Variants in RNGTT observed in about 807,000 individuals in gnomAD.
RNGTT encodes RNA guanylyltransferase and 5'-phosphatase, also known as mRNA-capping enzyme.
RNGTT carries 33 observed loss-of-function variants against 79.3 expected under a neutral mutation model. The observed-to-expected ratio is 0.42, with a 90% CI of 0.32 to 0.56. RNGTT has a LOEUF of 0.56. Ranked by LOEUF, RNGTT falls within the 20% of genes least tolerant of loss-of-function variation. RNGTT has a pLI of 0.17. For synonymous variants in RNGTT, 222 were observed against 235.9 expected (o/e 0.94, Z 0.54); for missense variants, 497 against 739.1 (o/e 0.67, Z 3.80).
In RNGTT at chr6:88,631,576, G is replaced by C. The variant is rs148733315; in HGVS notation, c.1507-17181C>G. ...TCCCTCTCATGACTTCCTCGCTTTT[G>C]TGACAAGTAGCCCATATGATGGTGG... On this transcript the variant is annotated intron_variant, in intron 14 of 15. Coordinates refer to ENST00000369485, the MANE Select transcript of RNGTT (RefSeq NM_003800.5). Among the ~76,000 whole-genome samples, 1,214 of 152,260 alleles carry C rather than the reference G, an allele frequency of 8.0e-3. 9 individuals carry two copies. Among genetic ancestry groups the C allele is most frequent in the South Asian group, 0.043 (206 of 4,818 alleles).
intron 13 of RNGTT, among the ~76,000 whole-genome samples, chr6:88,755,140 A>C (rs1433125465): frequency 6.6e-6 from 1 of 152,200 alleles, no homozygotes; most frequent in Non-Finnish European, 1.5e-5. Context: ...TTCTATATCC[A>C]GGTAAGACAT....
intron 9 of RNGTT, among the ~76,000 whole-genome samples, chr6:88,850,308 A>C (rs1367888956): frequency 1.3e-5 from 2 of 151,908 alleles, no homozygotes; most frequent in Non-Finnish European, 2.9e-5. Context: ...TCTTGGTTTC[A>C]TACCACTTTA....
At position 88,941,130 on chromosome 6, in the gene RNGTT, C is replaced by T. The variant is rs1784830796; in HGVS notation, c.115G>A (p.Val39Ile). 2 of 1,613,632 alleles carry T rather than the reference C, an allele frequency of 1.2e-6. No homozygotes were observed. Among genetic ancestry groups the T allele is most frequent in the East Asian group, 2.2e-5 (1 of 44,846 alleles). ...TMLGPRYDSQ[V>I]AEENRFHPSM... ...GGATGGAACCGATTTTCTTCAGCAACTTGACTATCATATCTTGGTCCTAAC... is the reference window on the plus strand; with the variant it reads ...GGATGGAACCGATTTTCTTCAGCAATTTGACTATCATATCTTGGTCCTAAC... The change falls in exon 2 of 16, where the codon GTT (valine) becomes ATT (isoleucine). Residue 39 changes from valine to isoleucine, a missense_variant. Coordinates refer to ENST00000369485, the MANE Select transcript of RNGTT (RefSeq NM_003800.5).
At chr6:88,949,620 A>G (rs1396151629) in intron 1 of RNGTT, among the ~76,000 whole-genome samples, 1 of 152,176 alleles carries the variant, frequency 6.6e-6, no homozygotes, top group Non-Finnish European at 1.5e-5. Context: ...GAATAGATCA[A>G]ACCAGCCACA....
At chr6:88,926,528 C>A (rs551902535) in intron 4 of RNGTT, among the ~76,000 whole-genome samples, 143 of 152,224 alleles carry the variant, frequency 9.4e-4, no homozygotes, top group African/African-American at 3.3e-3. Context: ...AACGTCTCTC[C>A]ATTTCTTCAT....
chr6:88,811,432 C>A (rs546585991), intron 11 of RNGTT, among the ~76,000 whole-genome samples: 5 of 152,222 alleles, frequency 3.3e-5, no homozygotes, highest in Non-Finnish European at 7.4e-5. Flanking sequence ...GAGGAACTGA[C>A]AAAGGTTACC....
chr6:88,622,669 T>C (rs757621198), intron 14 of RNGTT, among the ~76,000 whole-genome samples: 1 of 152,152 alleles, frequency 6.6e-6, no homozygotes, highest in Non-Finnish European at 1.5e-5. Context: ...TAGGGGCTGG[T>C]ACTGGATTCT....
At chr6:88,659,570 T>C (rs1157696765) in intron 14 of RNGTT, among the ~76,000 whole-genome samples, 3 of 151,572 alleles carry the variant, frequency 2.0e-5, no homozygotes, top group African/African-American at 7.3e-5. Context: ...GACAGGCTTT[T>C]GAATTAACCC....
chr6:88,940,436 T>A (rs532752422), intron 2 of RNGTT, among the ~76,000 whole-genome samples: 22 of 152,274 alleles, frequency 1.4e-4, no homozygotes, highest in African/African-American at 5.1e-4. Context: ...TGAAGCTATA[T>A]CTGTGGTGTT....
At position 88,656,591 on chromosome 6, in the gene RNGTT, C is replaced by A. The variant is rs566549782; in HGVS notation, c.1506+21762G>T. Among the ~76,000 whole-genome samples, 6 of 151,978 alleles carry A rather than the reference C, an allele frequency of 3.9e-5. No individual in the cohort carries two copies. In the East Asian group the frequency reaches 1.2e-3, roughly 29 times the overall value. On this transcript the variant is annotated intron_variant, in intron 14 of 15. Transcript: ENST00000369485. The stretch of plus-strand genomic sequence containing the variant: ...ATGCACTCCAGTGGGGTTCATGAAA[C>A]CTCTGAAATTATAAGCAAAAGTATG...
At position 88,665,956 on chromosome 6, in the gene RNGTT, C is replaced by T. The variant is rs55856433; in HGVS notation, c.1506+12397G>A. On this transcript the variant is annotated intron_variant, in intron 14 of 15. Transcript: ENST00000369485. ...GGTACGCTACCTGGGATTTACTATC[C>T]GACAGCGGGAGTGCAGCCTAGGATC... Among the ~76,000 whole-genome samples the T allele has an allele frequency of 1.8e-3, 281 of 152,304 alleles. 1 individual carries two copies. The highest frequency in any genetic ancestry group is 6.2e-3 in the African/African-American group (258 of 41,556).
intron 4 of RNGTT, among the ~76,000 whole-genome samples, chr6:88,926,518 A>G (rs536642556): frequency 6.6e-6 from 1 of 152,354 alleles, no homozygotes; most frequent in East Asian, 1.9e-4. Flanking sequence ...GGAAACAAGT[A>G]ACGTCTCTCC....
At position 88,906,447 on chromosome 6, in the gene RNGTT, A is replaced by T. The variant is rs1783657135; in HGVS notation, c.368-7T>A. 1 of 1,568,792 alleles carries T rather than the reference A, an allele frequency of 6.4e-7. No homozygotes were observed. Among genetic ancestry groups the T allele is most frequent in the African/African-American group, 1.4e-5 (1 of 73,192 alleles). On this transcript the variant is annotated splice_polypyrimidine_tract_variant and splice_region_variant and intron_variant, in intron 4 of 15. Transcript: ENST00000369485. ...CCATGAGTACAATGAACACCTAGAA[A>T]ATAAAGTAGCTTTGGTTAAAATTAA... is the stretch of plus-strand genomic sequence containing the variant.
At chr6:88,817,810 A>G (rs1380715561) in intron 11 of RNGTT, among the ~76,000 whole-genome samples, 143 of 113,882 alleles carry the variant, frequency 1.3e-3, no homozygotes, top group African/African-American at 4.6e-3. Context: ...CCCAGGTTGG[A>G]GTGCAGTGGC....
chr6:88,814,445 C>T (rs9353617), intron 11 of RNGTT, among the ~76,000 whole-genome samples: 29,617 of 152,062 alleles, frequency 0.19, 3,575 homozygotes, highest in African/African-American at 0.33. Context: ...CTTAGTATAG[C>T]TTTTAAAGCC....
chr6:88,750,287 G>C (rs1777798076), intron 13 of RNGTT, among the ~76,000 whole-genome samples: 1 of 152,136 alleles, frequency 6.6e-6, no homozygotes, highest in African/African-American at 2.4e-5. Flanking sequence ...AAACAATGTA[G>C]TAACTAGTGA....
chr6:88,932,281 G>A lies in RNGTT; in HGVS notation c.175-3014C>T, dbSNP rs543643751. ...CAGCCTGGCAAATTCTAGTCAGACC[G>A]GTTCTCTGCTCTTGAACCCTGTTAA... On this transcript the variant is annotated intron_variant, in intron 2 of 15. Coordinates refer to ENST00000369485, the MANE Select transcript of RNGTT (RefSeq NM_003800.5). Among the ~76,000 whole-genome samples the A allele has an allele frequency of 1.1e-3, 171 of 152,214 alleles. 1 individual carries two copies. Among genetic ancestry groups the A allele is most frequent in the African/African-American group, 3.9e-3 (162 of 41,532 alleles).
At chr6:88,649,886 C>A (rs1204274818) in intron 14 of RNGTT, among the ~76,000 whole-genome samples, 1 of 152,066 alleles carries the variant, frequency 6.6e-6, no homozygotes, top group Non-Finnish European at 1.5e-5. Context: ...AGAGACCAGG[C>A]CTCAAGGAGA....
At chr6:88,833,262 A>T (rs1160364593) in intron 11 of RNGTT, among the ~76,000 whole-genome samples, 2 of 152,216 alleles carry the variant, frequency 1.3e-5, no homozygotes, top group Admixed American at 6.5e-5. Context: ...GGATGAGTTC[A>T]TGTCCTTTTC....
Sources: gnomAD v4.1 joint callset for allele counts (sites outside exome capture counted in the v4.1 genomes callset) on GRCh38, gnomAD v4.1.1 for gene constraint, MANE v1.5 for transcripts, NCBI Gene and HGNC (gene_info 2026-07-23, HGNC 2026-07-21) for gene names.